Variants in SLC25A48 observed in about 807,000 individuals in gnomAD.
SLC25A48 encodes the protein solute carrier family 25 member 48, also known as CTC-321K16.1.
In SLC25A48, 29 loss-of-function variants were observed where a neutral mutation model predicts 32.2. The observed-to-expected ratio is 0.90, with a 90% CI of 0.67 to 1.23. SLC25A48 has a LOEUF of 1.23. Among genes scored for constraint, SLC25A48 ranks in the 50% most tolerant of loss-of-function variants. The probability of loss-of-function intolerance (pLI) is 0.00; values close to 1 mark genes in which losing one functional copy is unlikely to be tolerated. For missense variants in SLC25A48, 399 were observed against 422.7 expected (o/e 0.94, Z 0.49); for synonymous variants, 164 against 172.3 (o/e 0.95, Z 0.38).
At chr5:135,606,829 G>A (rs951099381) in intron 1 of SLC25A48, among the ~76,000 whole-genome samples, 5 of 152,322 alleles carry the variant, frequency 3.3e-5, no homozygotes, top group Admixed American at 2.6e-4. Context: ...CAGGCCCAGC[G>A]AAGCTGCTTT....
At chr5:135,826,749 C>T (rs1296576534) in intron 4 of SLC25A48, 5 of 152,208 alleles carry the variant, frequency 3.3e-5, no homozygotes, top group African/African-American at 7.2e-5. Context: ...CGAGCTCACA[C>T]AGCTAGCAGA....
intron 3 of SLC25A48, among the ~76,000 whole-genome samples, chr5:135,731,038 G>A (rs1218368652): frequency 2.0e-5 from 3 of 152,222 alleles, no homozygotes; most frequent in African/African-American, 7.2e-5. Flanking sequence ...AACAGGCTTT[G>A]TGTGAGCAAC....
chr5:135,791,425 G>A (rs1202484857), intron 3 of SLC25A48, among the ~76,000 whole-genome samples: 2 of 151,138 alleles, frequency 1.3e-5, no homozygotes, highest in Non-Finnish European at 3.0e-5. Context: ...TTTCTTTGGG[G>A]GATGTTACTT....
intron 1 of SLC25A48, among the ~76,000 whole-genome samples, chr5:135,625,390 C>T (rs974945030): frequency 4.6e-5 from 7 of 152,070 alleles, no homozygotes; most frequent in African/African-American, 1.7e-4. Flanking sequence ...GCAAGATGGG[C>T]AGTCCCTCCT....
intron 6 of SLC25A48, chr5:135,876,280 A>G (rs994195259): frequency 6.6e-6 from 1 of 151,868 alleles, no homozygotes; most frequent in Non-Finnish European, 1.5e-5. Flanking sequence ...TTAATGTGTC[A>G]TAATTCGTAA....
chr5:135,859,203 T>A (rs1336641111), intron 4 of SLC25A48, among the ~76,000 whole-genome samples: 1 of 152,158 alleles, frequency 6.6e-6, no homozygotes, highest in Non-Finnish European at 1.5e-5. Flanking sequence ...GAAAAGAGGT[T>A]TAATTGACTC....
At chr5:135,778,991 C>T (rs1756649024) in intron 3 of SLC25A48, among the ~76,000 whole-genome samples, 1 of 151,636 alleles carries the variant, frequency 6.6e-6, no homozygotes, top group South Asian at 2.1e-4. Context: ...ACATAATATA[C>T]ATCCCCCAGT....
chr5:135,682,820 G>A (rs1379833763), intron 3 of SLC25A48, among the ~76,000 whole-genome samples: 4 of 152,168 alleles, frequency 2.6e-5, no homozygotes, highest in Non-Finnish European at 5.9e-5. Context: ...ATGTCAAAAT[G>A]ATACCTTATA....
intron 3 of SLC25A48, among the ~76,000 whole-genome samples, chr5:135,694,135 A>G (rs60002745): frequency 0.19 from 28,547 of 152,190 alleles, 2,909 homozygotes; most frequent in Middle Eastern, 0.3. Flanking sequence ...GCAGGAATGA[A>G]TGGCTGGGCC....
chr5:135,623,476 G>T (rs1006390807), intron 1 of SLC25A48, among the ~76,000 whole-genome samples: 3 of 152,174 alleles, frequency 2.0e-5, no homozygotes, highest in Admixed American at 6.5e-5. Flanking sequence ...AGTCAGGTTT[G>T]GGAAAGCAGT....
Position 135,834,806 on chromosome 5 carries a change from G to T in SLC25A48, c.-42G>T. The T allele has an allele frequency of 6.4e-7, 1 of 1,554,434 alleles. No homozygotes were observed. The highest frequency in any genetic ancestry group is 1.8e-4 in the Middle Eastern group (1 of 5,496). On this transcript the variant is annotated 5_prime_UTR_variant, in exon 1 of 8. Coordinates refer to ENST00000681962, the MANE Select transcript of SLC25A48 (RefSeq NM_001349336.2). Reference sequence around the variant, plus strand: ...GGCCATGCCCCACTGACTCTAAGTGGGCACTGCCCCGGCTCCGGGAGGGCG... The same window carrying T: ...GGCCATGCCCCACTGACTCTAAGTGTGCACTGCCCCGGCTCCGGGAGGGCG...
chr5:135,675,198 A>T (rs1753740365), intron 3 of SLC25A48, among the ~76,000 whole-genome samples: 1 of 151,406 alleles, frequency 6.6e-6, no homozygotes, highest in South Asian at 2.1e-4. Flanking sequence ...TTTTTAATGG[A>T]ATTGTTTGTT....
intron 3 of SLC25A48, among the ~76,000 whole-genome samples, chr5:135,728,841 T>TAC (rs33918902): frequency 0.12 from 17,411 of 141,234 alleles, 1,131 homozygotes; most frequent in African/African-American, 0.17. Context: ...CATACACAAA[T>TAC]ACACACACAC....
intron 2 of SLC25A48, among the ~76,000 whole-genome samples, chr5:135,847,199 C>T (rs1390504201): frequency 6.6e-6 from 1 of 152,196 alleles, no homozygotes; most frequent in African/African-American, 2.4e-5. Context: ...TTCTCTCTTG[C>T]CTTTCATAGG....
chr5:135,805,877 C>G lies in SLC25A48; in HGVS notation c.-520-6646C>G, dbSNP rs183696478. 2.0e-5 allele frequency among the ~76,000 whole-genome samples: 3 copies of G among 148,992 alleles called. No homozygotes were observed. The East Asian group carries it at 6.0e-4, about 30-fold the overall frequency. On this transcript the variant is annotated intron_variant, in intron 3 of 10. Transcript: ENST00000646290. ...GTGGGTGTATACCCTGTGTGTATAC[C>G]CTGTGATATTATTTGTAATATCTTA...
chr5:135,666,382 G>A (rs1020937918), intron 3 of SLC25A48, among the ~76,000 whole-genome samples: 3 of 152,150 alleles, frequency 2.0e-5, no homozygotes, highest in Non-Finnish European at 4.4e-5. Context: ...AAAATACCCC[G>A]GGGATCTGCT....
At chr5:135,774,657 G>A (rs1333367810) in intron 3 of SLC25A48, among the ~76,000 whole-genome samples, 2 of 151,582 alleles carry the variant, frequency 1.3e-5, no homozygotes, top group Non-Finnish European at 3.0e-5. Context: ...ATCCCAAAAA[G>A]TGTATTTTGG....
At chr5:135,740,944 G>T (rs2127000046) in intron 3 of SLC25A48, among the ~76,000 whole-genome samples, 1 of 152,266 alleles carries the variant, frequency 6.6e-6, no homozygotes, top group South Asian at 2.1e-4. Context: ...ACTTTGGGTG[G>T]GCTACAAACT....
At chr5:135,821,893 G>A (rs545317725) in intron 4 of SLC25A48, 62 of 152,300 alleles carry the variant, frequency 4.1e-4, no homozygotes, top group African/African-American at 1.4e-3. Context: ...GTCACGATGC[G>A]GTGCTACTGC....
Sources: allele counts gnomAD v4.1 joint callset (sites outside exome capture counted in the v4.1 genomes callset), GRCh38; gene constraint gnomAD v4.1.1; transcripts MANE v1.5; gene names NCBI Gene and HGNC (gene_info 2026-07-23, HGNC 2026-07-21).